Variants in MAP2K4 observed in about 807,000 individuals in gnomAD.
The protein encoded by MAP2K4 is dual specificity mitogen-activated protein kinase kinase 4.
MAP2K4 carries 4 observed loss-of-function variants against 48.5 expected under a neutral mutation model. The observed-to-expected ratio is 0.08, with a 90% confidence interval of 0.04 to 0.19. MAP2K4 has a LOEUF of 0.19. Among genes scored for constraint, MAP2K4 ranks in the 10% least tolerant of loss-of-function variants. MAP2K4 has a pLI of 1.00. For synonymous variants in MAP2K4, 166 were observed against 173.1 expected, an observed-to-expected ratio of 0.96 and a Z score of 0.32; for missense variants, 258 against 493.3, an observed-to-expected ratio of 0.52 and a Z score of 4.52.
chr17:12,113,714 A>T (rs1274007288), intron 7 of MAP2K4, among the ~76,000 whole-genome samples: 3 of 152,228 alleles, frequency 2.0e-5, no homozygotes, highest in Non-Finnish European at 4.4e-5. Context: ...GTTCATTAGC[A>T]GAATTCACTA....
chr17:12,132,111 T>C (rs865789263), intron 9 of MAP2K4, among the ~76,000 whole-genome samples: 1 of 152,200 alleles, frequency 6.6e-6, no homozygotes, highest in African/African-American at 2.4e-5. Context: ...CTGAAGCAAC[T>C]GGAAGTCTCA....
At chr17:12,136,277 G>A (rs980606555) in intron 9 of MAP2K4, among the ~76,000 whole-genome samples, 24 of 152,202 alleles carry the variant, frequency 1.6e-4, no homozygotes, top group Non-Finnish European at 3.4e-4. Flanking sequence ...ATATTGGAAT[G>A]AAAGGAAACA....
intron 7 of MAP2K4, among the ~76,000 whole-genome samples, chr17:12,120,183 G>C (rs952940522): frequency 1.3e-5 from 2 of 152,116 alleles, no homozygotes; most frequent in African/African-American, 4.8e-5. Context: ...AAATTAGGCC[G>C]GGCGCGGTGG....
At position 12,093,291 on chromosome 17, in the gene MAP2K4, C is replaced by G. The variant is rs556941927; in HGVS notation, c.394-2284C>G. On this transcript the variant is annotated intron_variant, in intron 3 of 10. Transcript: ENST00000353533. ...AGTGCTGATGATCTCAAAGATAGAG[C>G]TGTGCTAGGAACTCTCTACATTCTG... Among the ~76,000 whole-genome samples, 4 of 152,282 alleles carry G rather than the reference C, an allele frequency of 2.6e-5. No homozygotes were observed. The East Asian group carries it at 7.7e-4, about 29-fold the overall frequency.
intron 7 of MAP2K4, among the ~76,000 whole-genome samples, chr17:12,115,276 G>A (rs977134077): frequency 5.3e-5 from 8 of 152,096 alleles, no homozygotes; most frequent in African/African-American, 9.7e-5. Context: ...TTGCTTAACC[G>A]TGGGAATATG....
intron 3 of MAP2K4, among the ~76,000 whole-genome samples, chr17:12,091,263 T>A (rs932606752): frequency 6.6e-6 from 1 of 152,242 alleles, no homozygotes; most frequent in Non-Finnish European, 1.5e-5. Context: ...TACCAATGAC[T>A]TCCAGGTGCC....
intron 7 of MAP2K4, among the ~76,000 whole-genome samples, chr17:12,121,623 T>C (rs1159484053): frequency 6.6e-6 from 1 of 152,094 alleles, no homozygotes; most frequent in African/African-American, 2.4e-5. Context: ...ATTGTTACAT[T>C]ATTTTAATAT....
chr17:12,115,899 C>A (rs1972477049), intron 7 of MAP2K4: 5 of 595,702 alleles, frequency 8.4e-6, no homozygotes, highest in African/African-American at 1.8e-5. Flanking sequence ...CCTCCTAGTC[C>A]AGCCTGTGAC....
Position 12,101,005 on chromosome 17 carries a change from G to A in MAP2K4, c.513+5311G>A, listed in dbSNP as rs144575482. Among the ~76,000 whole-genome samples, 10 of 152,064 alleles carry A rather than the reference G, an allele frequency of 6.6e-5. No homozygotes were observed. In the East Asian group the frequency reaches 1.7e-3, roughly 26 times the overall value. On this transcript the variant is annotated intron_variant, in intron 4 of 10. Coordinates refer to ENST00000353533, the MANE Select transcript of MAP2K4 (RefSeq NM_003010.4). ...TTTGCAGATACTGTCTCCTGTCTGC[G>A]CTTATCTTTATATATATCTATTCTT...
rs11307653 is a variant in MAP2K4 at position 12,131,234 on chromosome 17, C to CT, written c.1040+1964dup. Among the ~76,000 whole-genome samples, 453 of 130,900 alleles carry CT rather than the reference C, an allele frequency of 3.5e-3. 4 individuals carry two copies. The highest frequency in any genetic ancestry group is 0.011 in the African/African-American group (387 of 36,026). The allele number at this position is 130,900 out of a possible 152,430, so 85.9% of individuals were successfully genotyped here. A position where few individuals can be genotyped will look rare whatever the true frequency, so the allele number is the denominator to read the frequency against. ...TTAGTTTATTGCTCTGGTCACATTT[C>CT]TTTTTTTTTTTTTTTTTCTTTCTTG... On this transcript the variant is annotated intron_variant, in intron 9 of 10. Transcript: ENST00000353533.
At position 12,073,667 on chromosome 17, in the gene MAP2K4, G is replaced by A. The variant is rs188560237; in HGVS notation, c.219-7689G>A. On this transcript the variant is annotated intron_variant, in intron 2 of 10. Transcript: ENST00000353533. The stretch of plus-strand genomic sequence containing the variant: ...AGAATAAACTGTACATATTTAAAGC[G>A]TATAATTTGCTAGGTTTTGACATAT... Among the ~76,000 whole-genome samples the A allele has an allele frequency of 3.2e-3, 482 of 151,996 alleles. 5 individuals carry two copies. Among genetic ancestry groups the A allele is most frequent in the African/African-American group, 0.011 (447 of 41,464 alleles).
intron 6 of MAP2K4, among the ~76,000 whole-genome samples, chr17:12,112,850 G>C (rs997139231): frequency 6.6e-6 from 1 of 151,958 alleles, no homozygotes; most frequent in South Asian, 2.1e-4. Context: ...AATTTTTTTT[G>C]ATATTCAGTT....
At chr17:12,062,772 T>C (rs1330291111) in intron 2 of MAP2K4, among the ~76,000 whole-genome samples, 1 of 152,236 alleles carries the variant, frequency 6.6e-6, no homozygotes, top group Non-Finnish European at 1.5e-5. Flanking sequence ...AAAGGTTAGA[T>C]GTGACTTTGA....
Position 12,141,586 on chromosome 17 carries a change from C to G in MAP2K4, c.*326C>G, listed in dbSNP as rs1597511637. On this transcript the variant is annotated 3_prime_UTR_variant, in exon 11 of 11. Coordinates refer to ENST00000353533, the MANE Select transcript of MAP2K4 (RefSeq NM_003010.4). ...TTAAATTCATTTCTAGACTCAAAAC[C>G]TGGAGATGCAGCTACTGGAATGGTG... 3 of 325,388 alleles carry G rather than the reference C, an allele frequency of 9.2e-6. No individual in the cohort carries two copies. The highest frequency in any genetic ancestry group is 9.5e-5 in the East Asian group (2 of 21,128). 20.2% of individuals were successfully genotyped at this position (325,388 alleles called of 1,614,324 possible).
At chr17:12,136,417 A>G (rs889307965) in intron 9 of MAP2K4, among the ~76,000 whole-genome samples, 1 of 152,248 alleles carries the variant, frequency 6.6e-6, no homozygotes, top group Non-Finnish European at 1.5e-5. Context: ...CAGATTAGAT[A>G]TCATTGAAGA....
intron 1 of MAP2K4, among the ~76,000 whole-genome samples, chr17:12,030,484 T>C (rs1474142020): frequency 1.3e-5 from 2 of 152,232 alleles, no homozygotes; most frequent in African/African-American, 4.8e-5. Flanking sequence ...GCTACTTATA[T>C]AGATTCTGTA....
chr17:12,076,477 G>A (rs566040142), intron 2 of MAP2K4, among the ~76,000 whole-genome samples: 6 of 152,134 alleles, frequency 3.9e-5, no homozygotes, highest in African/African-American at 1.2e-4. Context: ...ATTAATAATC[G>A]GGAAGGACTT....
intron 9 of MAP2K4, among the ~76,000 whole-genome samples, chr17:12,133,870 C>T (rs1017145680): frequency 6.6e-6 from 1 of 152,154 alleles, no homozygotes; most frequent in African/African-American, 2.4e-5. Flanking sequence ...ACTAATTAGG[C>T]AGTAAAGCTC....
In MAP2K4 at chr17:12,142,451, C is replaced by G; in HGVS notation, c.*1191C>G. 1 of 232,930 alleles carries G rather than the reference C, an allele frequency of 4.3e-6. No individual in the cohort carries two copies. Among genetic ancestry groups the G allele is most frequent in the Non-Finnish European group, 8.5e-6 (1 of 117,872 alleles). The allele number at this position is 232,930 out of a possible 1,614,324, so 14.4% of individuals were successfully genotyped here. A position where few individuals can be genotyped will look rare whatever the true frequency, so the allele number is the denominator to read the frequency against. ...TTTTTTCTATATCAAAAAACCTTTACAGTTAGCAGGGATGTTCCTTACCAA... is the reference window on the plus strand; with the variant it reads ...TTTTTTCTATATCAAAAAACCTTTAGAGTTAGCAGGGATGTTCCTTACCAA... On this transcript the variant is annotated 3_prime_UTR_variant, in exon 11 of 11. Coordinates refer to ENST00000353533, the MANE Select transcript of MAP2K4 (RefSeq NM_003010.4).
Sources: gnomAD v4.1 joint callset for allele counts (sites outside exome capture counted in the v4.1 genomes callset) on GRCh38, gnomAD v4.1.1 for gene constraint, MANE v1.5 for transcripts, NCBI Gene and HGNC (gene_info 2026-07-23, HGNC 2026-07-21) for gene names.